ARMC3: variants seen among roughly 807,000 people sequenced by gnomAD.
The protein encoded by ARMC3 is armadillo repeat containing 3, also known as armadillo repeat-containing protein 3.
ARMC3 carries 74 observed loss-of-function variants against 90.3 expected under a neutral mutation model. The observed-to-expected ratio is 0.82, with a 90% CI of 0.68 to 0.99. The LOEUF is 0.99. ARMC3 is among the 50% of genes least tolerant of loss of function. The pLI, the probability that ARMC3 is intolerant of heterozygous loss-of-function variation, is 0.00. For synonymous variants in ARMC3, 334 were observed against 361.8 expected (o/e 0.92, Z 0.87); for missense variants, 958 against 1,042.8 (o/e 0.92, Z 1.12).
At chr10:23,032,811 T>C in intron 17 of ARMC3, 50 bp from the exon 18 acceptor site, 1 of 1,548,882 alleles carries the variant, frequency 6.5e-7, no homozygotes, top group Admixed American at 1.8e-5. Flanking sequence ...CAAAGCATCC[T>C]AAGCGAGTTA....
chr10:22,957,960 G>A (rs1027055198), intron 4 of ARMC3, among the ~76,000 whole-genome samples: 1 of 152,156 alleles, frequency 6.6e-6, no homozygotes, highest in Non-Finnish European at 1.5e-5. Context: ...ACTTTGGGAG[G>A]CTGAGGTGGG....
rs764625787 is a variant in ARMC3 at position 23,032,970 on chromosome 10, C to T, written c.2356C>T (p.Pro786Ser). Reference sequence around the variant, plus strand: ...ATTTCAACTTAAATCCAATGTTATACCGATTGGACATGTCAAAAAAGGAAT... The same window carrying T: ...ATTTCAACTTAAATCCAATGTTATATCGATTGGACATGTCAAAAAAGGAAT... Reference protein sequence around the residue: ...LKFQLKSNVIPIGHVKKGIFY... With the variant: ...LKFQLKSNVISIGHVKKGIFY... Residue 786 changes from proline to serine, a missense_variant, in exon 18 of 19, where the codon CCG becomes TCG. Physicochemically the swap from Pro to Ser is moderately conservative, Grantham distance 74. Transcript: ENST00000298032. 1 of 1,613,038 alleles carries T rather than the reference C, an allele frequency of 6.2e-7. No individual in the cohort carries two copies. Among genetic ancestry groups the T allele is most frequent in the South Asian group, 1.1e-5 (1 of 91,046 alleles).
chr10:23,032,722 A>T, intron 17 of ARMC3, 139 bp from the exon 18 acceptor site: 1 of 823,028 alleles, frequency 1.2e-6, no homozygotes, highest in Non-Finnish European at 1.9e-6. Flanking sequence ...ATTTATGGTT[A>T]GTACTTTCTC....
chr10:22,957,173 T>C (rs1047297154), intron 4 of ARMC3, among the ~76,000 whole-genome samples: 2 of 152,152 alleles, frequency 1.3e-5, no homozygotes, highest in African/African-American at 2.4e-5. Context: ...TCTTTCCTAG[T>C]CTTCCTGCCC....
chr10:23,009,474 G>A (rs546232744), intron 16 of ARMC3, among the ~76,000 whole-genome samples: 8 of 142,062 alleles, frequency 5.6e-5, no homozygotes, highest in South Asian at 4.8e-4. Flanking sequence ...TTATAATGTC[G>A]TTTTGAGGTC....
At chr10:23,008,146 A>C (rs1012393928) in intron 14 of ARMC3, 130 bp from the exon 15 acceptor site, 1 of 513,970 alleles carries the variant, frequency 1.9e-6, no homozygotes, top group Non-Finnish European at 3.5e-6. Flanking sequence ...TTATACTTTA[A>C]AAACAGTATG....
At chr10:22,997,509 T>A (rs2131398528) in intron 10 of ARMC3, among the ~76,000 whole-genome samples, 1 of 152,344 alleles carries the variant, frequency 6.6e-6, no homozygotes, top group Non-Finnish European at 1.5e-5. Context: ...TTTATATACA[T>A]ATCATGACTT....
At chr10:23,008,452 A>G (rs1564391577) in intron 15 of ARMC3, 78 bp downstream of exon 15, 2 of 813,666 alleles carry the variant, frequency 2.5e-6, no homozygotes, top group South Asian at 1.7e-5. Context: ...TAGATTTTAG[A>G]TTGGGGCAAC....
intron 16 of ARMC3, among the ~76,000 whole-genome samples, chr10:23,016,860 C>T (rs1838297110): frequency 1.3e-5 from 2 of 152,152 alleles, no homozygotes; most frequent in Admixed American, 6.5e-5. Flanking sequence ...CACACTCCTG[C>T]CTCTGTTTTG....
chr10:22,968,282 A>C, intron 7 of ARMC3, 24 bp from the exon 8 acceptor site: 1 of 1,602,452 alleles, frequency 6.2e-7, no homozygotes, highest in East Asian at 2.2e-5. Flanking sequence ...AACTTTCTAA[A>C]GTTGTATTTG....
chr10:22,962,028 C>A lies in ARMC3; in HGVS notation c.682C>A (p.Leu228Ile), dbSNP rs752782595. The A allele has an allele frequency of 6.2e-7, 1 of 1,605,752 alleles. No homozygotes were observed. Among genetic ancestry groups the A allele is most frequent in the South Asian group, 1.1e-5 (1 of 89,362 alleles). The change falls in exon 7 of 19, where the codon CTA becomes ATA. Residue 228 changes from leucine (L) to isoleucine (I), a missense_variant. By Grantham distance (5) the Leu-to-Ile change is conservative (BLOSUM62 2). Transcript: ENST00000298032. ...IANDKESRTM[L>I]RDNQGLDHLI... ...AAATGATAAGGAGTCTCGAACAATG[C>A]TAAGAGACAATCAAGGATTGGACCA...
chr10:22,985,983 C>T (rs535321627), intron 10 of ARMC3, among the ~76,000 whole-genome samples: 1 of 152,240 alleles, frequency 6.6e-6, no homozygotes, highest in South Asian at 2.1e-4. Flanking sequence ...TCCACACATG[C>T]ATATTTTCAA....
chr10:22,953,308 A>G (rs546917868), intron 3 of ARMC3, among the ~76,000 whole-genome samples: 3 of 152,362 alleles, frequency 2.0e-5, no homozygotes, highest in African/African-American at 4.8e-5. Context: ...ACTGAGATAT[A>G]TATCAGACTT....
At position 22,942,303 on chromosome 10, in the gene ARMC3, C is replaced by T. The variant is rs550720242; in HGVS notation, c.49-3841C>T. ...CCTCAGAGCCTGAACACTGTGGGTG[C>T]GGCAGGAAACCCATCTATGGGCAGA... On this transcript the variant is annotated intron_variant, in intron 2 of 18. Coordinates refer to ENST00000298032, the MANE Select transcript of ARMC3 (RefSeq NM_173081.5). Among the ~76,000 whole-genome samples the T allele has an allele frequency of 6.6e-5, 10 of 152,048 alleles. No homozygotes were observed. In the East Asian group the frequency reaches 7.7e-4, roughly 12 times the overall value.
intron 2 of ARMC3, among the ~76,000 whole-genome samples, chr10:22,940,143 G>C (rs1390994898): frequency 6.6e-6 from 1 of 152,132 alleles, no homozygotes; most frequent in Non-Finnish European, 1.5e-5. Context: ...AATACCAAAT[G>C]AAATACATTA....
At chr10:22,960,672 A>T (rs1835151328) in intron 6 of ARMC3, 1 of 152,340 alleles carries the variant, frequency 6.6e-6, no homozygotes, top group East Asian at 1.9e-4. Context: ...TCTTAACAGC[A>T]GTACTGGCTA....
chr10:23,008,560 AC>A (rs1404610714), intron 15 of ARMC3, among the ~76,000 whole-genome samples, 186 bp downstream of exon 15: 1 of 152,200 alleles, frequency 6.6e-6, no homozygotes, highest in Non-Finnish European at 1.5e-5. Context: ...ATCTGGTTTC[AC>A]CTTCTATTTC....
intron 7 of ARMC3, among the ~76,000 whole-genome samples, chr10:22,965,697 C>T (rs1835412018): frequency 6.6e-6 from 1 of 152,060 alleles, no homozygotes; most frequent in Non-Finnish European, 1.5e-5. Flanking sequence ...GACTCTAAGG[C>T]TCTGCTCATT....
At position 22,997,419 on chromosome 10, in the gene ARMC3, T is replaced by C. The variant is rs376880770; in HGVS notation, c.1176-729T>C. ...CTATCTAATTGTGAAAAAATGTTAG[T>C]ATATTAATGGTAACTGTAGTCTTTT... On this transcript the variant is annotated intron_variant, in intron 10 of 18. Coordinates refer to ENST00000298032, the MANE Select transcript of ARMC3 (RefSeq NM_173081.5). 3.3e-5 allele frequency: 5 copies of C among 152,308 alleles called. No homozygotes were observed. In the South Asian group the frequency reaches 6.2e-4, roughly 19 times the overall value. 9.4% of individuals were successfully genotyped at this position (152,308 alleles called of 1,614,324 possible). A position where few individuals can be genotyped will look rare whatever the true frequency, so the allele number is the denominator to read the frequency against.
Sources: gnomAD v4.1 joint callset for allele counts (sites outside exome capture counted in the v4.1 genomes callset) on GRCh38, gnomAD v4.1.1 for gene constraint, MANE v1.5 for transcripts, NCBI Gene and HGNC (gene_info 2026-07-23, HGNC 2026-07-21) for gene names.